Variants in TRPM3 observed in about 807,000 individuals in gnomAD.
The protein encoded by TRPM3 is transient receptor potential cation channel subfamily M member 3.
In TRPM3, 77 loss-of-function variants were observed where a neutral mutation model predicts 181.2. The observed-to-expected ratio is 0.42, with a 90% CI of 0.35 to 0.51. The LOEUF is 0.51. Ranked by LOEUF, TRPM3 falls within the 20% of genes least tolerant of loss-of-function variation. TRPM3 has a pLI of 0.01. For synonymous variants in TRPM3, 745 were observed against 796.4 expected (o/e 0.94, Z 1.09); for missense variants, 1,759 against 2,196.7 (o/e 0.80, Z 3.98).
chr9:70,944,677 G>A (rs916259297), intron 1 of TRPM3, among the ~76,000 whole-genome samples: 1 of 152,038 alleles, frequency 6.6e-6, no homozygotes, highest in African/African-American at 2.4e-5. Flanking sequence ...TTGATTTAGG[G>A]ACATTCATTA....
chr9:71,207,154 A>T (rs968021347), intron 1 of TRPM3, among the ~76,000 whole-genome samples: 6 of 152,166 alleles, frequency 3.9e-5, no homozygotes, highest in Non-Finnish European at 5.9e-5. Context: ...TATAAATCAA[A>T]CAGCCAGTTT....
At chr9:71,395,027 C>T (rs1325491005) in intron 1 of TRPM3, among the ~76,000 whole-genome samples, 1 of 152,164 alleles carries the variant, frequency 6.6e-6, no homozygotes, top group Non-Finnish European at 1.5e-5. Flanking sequence ...TCATTTAGTA[C>T]TCAAAAGCCA....
intron 19 of TRPM3, among the ~76,000 whole-genome samples, chr9:70,607,608 C>T (rs1203829317): frequency 6.6e-6 from 1 of 151,728 alleles, no homozygotes. Context: ...TCTCAAGTGT[C>T]TCCAATCATA....
intron 1 of TRPM3, among the ~76,000 whole-genome samples, chr9:71,383,967 GA>G (rs1300214291): frequency 1.3e-5 from 2 of 152,138 alleles, no homozygotes; most frequent in African/African-American, 4.8e-5. Context: ...ACACCAACAA[GA>G]AAAATTCATC....
At chr9:71,092,154 A>T (rs538166463) in intron 1 of TRPM3, among the ~76,000 whole-genome samples, 5 of 152,164 alleles carry the variant, frequency 3.3e-5, no homozygotes, top group Non-Finnish European at 7.4e-5. Context: ...AAATGAAACA[A>T]ATAGGAATCT....
intron 1 of TRPM3, among the ~76,000 whole-genome samples, chr9:71,227,616 G>T (rs572790221): frequency 4.1e-5 from 6 of 147,530 alleles, no homozygotes; most frequent in Non-Finnish European, 9.0e-5. Context: ...AAAGAGAGAG[G>T]ATCCAAATAA....
chr9:70,668,897 T>C (rs1483139705), intron 9 of TRPM3, among the ~76,000 whole-genome samples: 1 of 152,240 alleles, frequency 6.6e-6, no homozygotes, highest in Non-Finnish European at 1.5e-5. Context: ...AGCTGATTCA[T>C]TGCCCTGAAG....
intron 1 of TRPM3, among the ~76,000 whole-genome samples, chr9:71,104,564 C>G (rs2069092211): frequency 6.6e-6 from 1 of 152,092 alleles, no homozygotes; most frequent in Non-Finnish European, 1.5e-5. Context: ...ATCTGAAAAC[C>G]AGAGATAAGA....
At chr9:70,864,545 A>G in intron 1 of TRPM3, 34 bp from the exon 2 acceptor site, 2 of 1,403,566 alleles carry the variant, frequency 1.4e-6, no homozygotes, top group South Asian at 1.6e-5. Context: ...AAAAAAAGAA[A>G]AAAGAAAGAA....
intron 1 of TRPM3, among the ~76,000 whole-genome samples, chr9:71,337,503 T>C (rs550919416): frequency 8.5e-5 from 13 of 152,300 alleles, no homozygotes; most frequent in African/African-American, 3.1e-4. Flanking sequence ...TCAACCATTG[T>C]GGAAGACAAA....
chr9:70,903,673 A>G (rs2096418757), intron 1 of TRPM3, among the ~76,000 whole-genome samples: 1 of 152,220 alleles, frequency 6.6e-6, no homozygotes, highest in Admixed American at 6.5e-5. Context: ...GAATTACTCA[A>G]TTTAAACATT....
chr9:70,986,194 A>T (rs145639270), intron 1 of TRPM3, among the ~76,000 whole-genome samples: 187 of 152,150 alleles, frequency 1.2e-3, no homozygotes, highest in African/African-American at 4.3e-3. Flanking sequence ...CTTTACCAAA[A>T]AAAATTAAAA....
chr9:71,403,987 A>C (rs886310608), intron 1 of TRPM3, among the ~76,000 whole-genome samples: 1 of 152,250 alleles, frequency 6.6e-6, no homozygotes, highest in Non-Finnish European at 1.5e-5. Context: ...TTAAATTGAT[A>C]TACTGAGGCA....
chr9:70,638,317 ACT>A (rs2057541296), intron 11 of TRPM3, among the ~76,000 whole-genome samples: 1 of 152,198 alleles, frequency 6.6e-6, no homozygotes, highest in Non-Finnish European at 1.5e-5. Context: ...TTTATAAATT[ACT>A]GAGTCTAAGG....
intron 1 of TRPM3, among the ~76,000 whole-genome samples, chr9:70,949,631 T>A (rs895232305): frequency 6.6e-6 from 1 of 151,860 alleles, no homozygotes; most frequent in Non-Finnish European, 1.5e-5. Flanking sequence ...CTTGAACTCC[T>A]GGGCTCAAGT....
chr9:71,296,290 C>G (rs1354745468), intron 1 of TRPM3, among the ~76,000 whole-genome samples: 1 of 152,000 alleles, frequency 6.6e-6, no homozygotes. Context: ...GTCCCTACCC[C>G]CTTGCAGCTT....
chr9:71,182,222 AGCAT>A (rs2077445499), intron 1 of TRPM3, among the ~76,000 whole-genome samples: 1 of 152,154 alleles, frequency 6.6e-6, no homozygotes, highest in Admixed American at 6.6e-5. Flanking sequence ...TTGAAGTCAT[AGCAT>A]ACAATAGGAA....
chr9:70,961,254 C>A (rs543813965), intron 1 of TRPM3, among the ~76,000 whole-genome samples: 5 of 152,210 alleles, frequency 3.3e-5, no homozygotes, highest in Admixed American at 2.0e-4. Flanking sequence ...GCTGGAAAGG[C>A]AGGAAACAGA....
intron 22 of TRPM3, among the ~76,000 whole-genome samples, chr9:70,581,029 T>A (rs1328775234): frequency 1.3e-5 from 2 of 152,258 alleles, no homozygotes; most frequent in Non-Finnish European, 2.9e-5. Flanking sequence ...ATGAACCCAT[T>A]CAAACTAGAA....
Sources: allele counts gnomAD v4.1 joint callset (sites outside exome capture counted in the v4.1 genomes callset), GRCh38; gene constraint gnomAD v4.1.1; transcripts MANE v1.5; gene names NCBI Gene and HGNC (gene_info 2026-07-23, HGNC 2026-07-21).